The following PTPRM variants were observed in gnomAD, a reference collection of about 807,000 sequenced individuals.
PTPRM encodes protein tyrosine phosphatase receptor type M.
Under a neutral mutation model 186.7 loss-of-function variants are expected in PTPRM, and 47 were observed. That is an observed-to-expected ratio of 0.25 (90% CI 0.20 to 0.32). The LOEUF is 0.32. Ranked by LOEUF, PTPRM falls within the 10% of genes least tolerant of loss-of-function variation. The pLI is 1.00. For missense variants in PTPRM, 1,494 were observed against 1,865.0 expected, an observed-to-expected ratio of 0.80 and a Z score of 3.66; for synonymous variants, 668 against 674.9, an observed-to-expected ratio of 0.99 and a Z score of 0.16.
chr18:7,698,282 C>T (rs1365292301), intron 1 of PTPRM, among the ~76,000 whole-genome samples: 2 of 152,230 alleles, frequency 1.3e-5, no homozygotes, highest in East Asian at 1.9e-4. Flanking sequence ...ACACCCTGCT[C>T]TTAAATGGCT....
chr18:8,306,046 C>T (rs961386415), intron 20 of PTPRM, among the ~76,000 whole-genome samples: 3 of 151,998 alleles, frequency 2.0e-5, no homozygotes, highest in Non-Finnish European at 4.4e-5. Context: ...TACAGGCGCG[C>T]ATCACCACAC....
chr18:8,198,772 A>G (rs1463916492), intron 14 of PTPRM, among the ~76,000 whole-genome samples: 1 of 152,136 alleles, frequency 6.6e-6, no homozygotes, highest in Non-Finnish European at 1.5e-5. Context: ...GATATGGTGG[A>G]CATATTGCCC....
At chr18:8,023,387 A>AG (rs2085348804) in intron 7 of PTPRM, among the ~76,000 whole-genome samples, 1 of 152,188 alleles carries the variant, frequency 6.6e-6, no homozygotes, top group Non-Finnish European at 1.5e-5. Flanking sequence ...ACCAATATGG[A>AG]GGAGAGATAT....
Position 8,113,586 on chromosome 18 carries a change from T to G in PTPRM, c.1957T>G (p.Ser653Ala). The G allele has an allele frequency of 6.2e-7, 1 of 1,614,176 alleles. No homozygotes were observed. Among genetic ancestry groups the G allele is most frequent in the Non-Finnish European group, 8.5e-7 (1 of 1,179,992 alleles). ...YPVPIHFQNA[S>A]LLNSQYYFAA... ...AGTGCCAATTCACTTCCAGAATGCT[T>G]CTCTGCTGAACTCACAGTACTACTT... The change falls in exon 12 of 33, where the codon TCT becomes GCT. Residue 653 changes from serine to alanine, a missense_variant. Around this residue, in one of 3 missense-constraint regions of PTPRM, gnomAD observed 1,107 missense variants for 1,350.2 expected, o/e 0.82. Transcript: ENST00000580170.
At chr18:8,231,867 C>CA (rs2094291028) in intron 14 of PTPRM, among the ~76,000 whole-genome samples, 1 of 151,994 alleles carries the variant, frequency 6.6e-6, no homozygotes, top group African/African-American at 2.4e-5. Context: ...CCCCTGCCAA[C>CA]ACACACACAC....
intron 7 of PTPRM, among the ~76,000 whole-genome samples, chr18:7,966,602 C>T (rs1210143977): frequency 7.2e-6 from 1 of 139,280 alleles, no homozygotes; most frequent in East Asian, 2.0e-4. Flanking sequence ...GGTGCGCGCA[C>T]CGTGCGCGAG....
chr18:7,790,673 G>T (rs932189995), intron 2 of PTPRM, among the ~76,000 whole-genome samples: 1 of 152,188 alleles, frequency 6.6e-6, no homozygotes, highest in African/African-American at 2.4e-5. Flanking sequence ...CCTTTCAAAA[G>T]TATTAATTGG....
intron 20 of PTPRM, among the ~76,000 whole-genome samples, chr18:8,306,197 G>A (rs1411300075): frequency 1.3e-5 from 2 of 151,830 alleles, no homozygotes; most frequent in African/African-American, 2.4e-5. Context: ...GCGCCTGGCA[G>A]CGTAATTTTT....
chr18:7,618,366 T>G (rs2037856538), intron 1 of PTPRM, among the ~76,000 whole-genome samples: 1 of 152,202 alleles, frequency 6.6e-6, no homozygotes, highest in Non-Finnish European at 1.5e-5. Context: ...TTACTGATTA[T>G]TTTTTTGAAT....
chr18:8,041,367 C>A (rs1600215928), intron 7 of PTPRM, among the ~76,000 whole-genome samples: 1 of 151,976 alleles, frequency 6.6e-6, no homozygotes, highest in African/African-American at 2.4e-5. Flanking sequence ...GGTATATAGA[C>A]ACACACTTGA....
At chr18:7,752,235 A>AT (rs533300156) in intron 1 of PTPRM, among the ~76,000 whole-genome samples, 85 of 152,298 alleles carry the variant, frequency 5.6e-4, no homozygotes, top group Non-Finnish European at 1.8e-4. Flanking sequence ...GAATTCTGCT[A>AT]TATGTGTGTT....
rs556573623 is a variant in PTPRM, at chr18:7,899,699, G to A, written c.469-6806G>A. On this transcript the variant is annotated intron_variant, in intron 3 of 32. Coordinates refer to ENST00000580170, the MANE Select transcript of PTPRM (RefSeq NM_001105244.2). ...GGTATAAAATGAGATCTTAGGGTAG[G>A]TTTTAATATTAAAGTGTTACTAATT... is the stretch of plus-strand genomic sequence containing the variant. 1.3e-4 allele frequency among the ~76,000 whole-genome samples: 20 copies of A among 152,192 alleles called. No individual in the cohort carries two copies. The South Asian group carries it at 3.9e-3, about 30-fold the overall frequency.
At chr18:7,779,608 G>A (rs2042759018) in intron 2 of PTPRM, among the ~76,000 whole-genome samples, 1 of 152,182 alleles carries the variant, frequency 6.6e-6, no homozygotes, top group Non-Finnish European at 1.5e-5. Flanking sequence ...TTGTGCTAAG[G>A]AAGACTTCCC....
chr18:8,389,480 G>A (rs1165066474), intron 31 of PTPRM, among the ~76,000 whole-genome samples: 1 of 152,236 alleles, frequency 6.6e-6, no homozygotes, highest in Non-Finnish European at 1.5e-5. Flanking sequence ...ACAGTGGACG[G>A]TGGGAGGCAT....
intron 22 of PTPRM, among the ~76,000 whole-genome samples, chr18:8,341,689 C>CCG (rs1555879300): frequency 6.6e-6 from 1 of 151,800 alleles, no homozygotes; most frequent in Admixed American, 6.6e-5. Context: ...GAAGCCCCCC[C>CCG]CCCTTTGATT....
chr18:8,310,449 A>G (rs894637982), intron 20 of PTPRM, among the ~76,000 whole-genome samples: 10 of 149,470 alleles, frequency 6.7e-5, no homozygotes, highest in Non-Finnish European at 1.3e-4. Context: ...TTCTGACAGC[A>G]CATTCACCAC....
At chr18:7,687,896 G>T (rs62089832) in intron 1 of PTPRM, among the ~76,000 whole-genome samples, 1 of 151,420 alleles carries the variant, frequency 6.6e-6, no homozygotes, top group Admixed American at 6.6e-5. Context: ...TCCTGCTTCA[G>T]CCTCCCGAAT....
intron 29 of PTPRM, among the ~76,000 whole-genome samples, chr18:8,381,360 TAA>T (rs60672111): frequency 0.047 from 6,432 of 137,948 alleles, 334 homozygotes; most frequent in African/African-American, 0.14. Context: ...TTCTTTTTCT[TAA>T]AAAAAAAAAA....
chr18:8,296,519 C>T, intron 20 of PTPRM, 64 bp downstream of exon 20: 1 of 1,217,256 alleles, frequency 8.2e-7, no homozygotes, highest in Non-Finnish European at 1.2e-6. Context: ...TAAGATTGAC[C>T]ACCAGGCTCA....
Sources: gnomAD v4.1 joint callset for allele counts (sites outside exome capture counted in the v4.1 genomes callset) on GRCh38, gnomAD v4.1.1 for gene constraint, gnomAD v4.1.1 regional missense constraint, MANE v1.5 for transcripts, NCBI Gene and HGNC (gene_info 2026-07-23, HGNC 2026-07-21) for gene names.